The following PHACTR3 variants were observed in gnomAD, a reference collection of about 807,000 sequenced individuals.
PHACTR3 encodes the protein phosphatase and actin regulator 3, also known as protein phosphatase 1, regulatory subunit 123.
A neutral mutation model predicts 66.8 loss-of-function variants in PHACTR3; 16 were observed. The ratio of observed to expected loss-of-function variants is 0.24; its 90% confidence interval spans 0.16 to 0.36. The LOEUF (loss-of-function observed/expected upper bound fraction) is 0.36. PHACTR3 is among the 10% of genes least tolerant of loss of function. The pLI, the probability that PHACTR3 is intolerant of heterozygous loss-of-function variation, is 1.00. For synonymous variants in PHACTR3, 323 were observed against 292.1 expected (o/e 1.11, Z -1.08); for missense variants, 647 against 719.9 (o/e 0.90, Z 1.16).
chr20:59,606,911 T>C (rs1044646463), intron 1 of PHACTR3, among the ~76,000 whole-genome samples: 1 of 152,198 alleles, frequency 6.6e-6, no homozygotes, highest in African/African-American at 2.4e-5. Context: ...GTCTAAAATA[T>C]GTGCAATTCT....
chr20:59,635,135 C>CTTTCTTTT, intron 1 of PHACTR3, among the ~76,000 whole-genome samples: 1 of 68,176 alleles, frequency 1.5e-5, no homozygotes, highest in African/African-American at 5.8e-5. Context: ...TTCTTTCTTT[C>CTTTCTTTT]TTTCTTTCTT....
intron 5 of PHACTR3, among the ~76,000 whole-genome samples, chr20:59,769,278 A>C (rs1411463992): frequency 6.6e-6 from 1 of 152,218 alleles, no homozygotes; most frequent in Non-Finnish European, 1.5e-5. Flanking sequence ...GAACCTCAGA[A>C]CATGACCTTG....
intron 5 of PHACTR3, among the ~76,000 whole-genome samples, chr20:59,767,830 A>ATTCCT (rs2040232103): frequency 6.7e-6 from 1 of 150,104 alleles, no homozygotes; most frequent in African/African-American, 2.5e-5. Context: ...ATTCCATTCC[A>ATTCCT]TTCCTTTCCT....
chr20:59,606,254 A>C (rs1440275270), intron 1 of PHACTR3, among the ~76,000 whole-genome samples: 1 of 152,070 alleles, frequency 6.6e-6, no homozygotes, highest in Non-Finnish European at 1.5e-5. Context: ...GCTTCCCGAT[A>C]AACTGCCTAG....
In PHACTR3 at chr20:59,829,166, G is replaced by C. The variant is rs151042993; in HGVS notation, c.1329-7339G>C. 1.1e-4 allele frequency among the ~76,000 whole-genome samples: 17 copies of C among 152,256 alleles called. No homozygotes were observed. Among genetic ancestry groups the C allele is most frequent in the Middle Eastern group, 3.4e-3 (1 of 294 alleles). ...AAAAGGTCGGCTTTGGACTCAGAGT[G>C]CCTGGAGTCACATCCTCCCCGGCAT... On this transcript the variant is annotated intron_variant, in intron 8 of 12. Coordinates refer to ENST00000371015, the MANE Select transcript of PHACTR3 (RefSeq NM_080672.5). The surrounding 1 kb of genome is among the most constrained non-coding windows in gnomAD (Gnocchi z 4.2).
intron 1 of PHACTR3, among the ~76,000 whole-genome samples, chr20:59,698,168 A>G (rs1452925307): frequency 6.6e-6 from 1 of 152,234 alleles, no homozygotes; most frequent in Non-Finnish European, 1.5e-5. Context: ...AATAGTTAAA[A>G]GTAATGAACT....
At chr20:59,612,520 G>T (rs1216847781) in intron 1 of PHACTR3, among the ~76,000 whole-genome samples, 1 of 152,138 alleles carries the variant, frequency 6.6e-6, no homozygotes, top group Non-Finnish European at 1.5e-5. Flanking sequence ...GAGTGGCTGG[G>T]ACTACAGGTG....
intron 1 of PHACTR3, among the ~76,000 whole-genome samples, chr20:59,674,706 T>C (rs2036360294): frequency 1.2e-5 from 1 of 84,584 alleles, no homozygotes; most frequent in South Asian, 6.4e-4. Context: ...CCTTCTCCTG[T>C]CCCCCCTTCT....
At chr20:59,678,925 C>T (rs1384869877) in intron 1 of PHACTR3, among the ~76,000 whole-genome samples, 1 of 151,600 alleles carries the variant, frequency 6.6e-6, no homozygotes, top group East Asian at 1.9e-4. Flanking sequence ...CAATTGCAGC[C>T]CCACTGGCAG....
chr20:59,607,120 C>A (rs2033698342), intron 1 of PHACTR3, among the ~76,000 whole-genome samples: 1 of 152,130 alleles, frequency 6.6e-6, no homozygotes, highest in African/African-American at 2.4e-5. Context: ...TGTGTGCCTG[C>A]ATACTTCTTT....
Position 59,717,627 on chromosome 20 carries a change from A to C in PHACTR3, c.119-25480A>C, listed in dbSNP as rs186676560. ...GGTGGAGCTGGAATCCCCACTGGAAACCCACCCCCCAGCCCGTGTTCTTCC... is the reference window on the plus strand; with the variant it reads ...GGTGGAGCTGGAATCCCCACTGGAACCCCACCCCCCAGCCCGTGTTCTTCC... On this transcript the variant is annotated intron_variant, in intron 1 of 12. Coordinates refer to ENST00000371015, the MANE Select transcript of PHACTR3 (RefSeq NM_080672.5). 7.2e-5 allele frequency among the ~76,000 whole-genome samples: 11 copies of C among 151,944 alleles called. No homozygotes were observed. In the East Asian group the frequency reaches 2.1e-3, roughly 29 times the overall value.
intron 1 of PHACTR3, among the ~76,000 whole-genome samples, chr20:59,678,259 C>T (rs1023198330): frequency 2.6e-5 from 4 of 152,110 alleles, no homozygotes; most frequent in Admixed American, 2.0e-4. Flanking sequence ...TTCAACACAT[C>T]GTTGTTATAT....
At chr20:59,600,160 C>T (rs560112956), upstream of PHACTR3, among the ~76,000 whole-genome samples, 3 of 152,310 alleles carry the variant, frequency 2.0e-5, no homozygotes, top group Non-Finnish European at 4.4e-5. Context: ...GGCGCCCTTC[C>T]TCCCTTGCAT....
At chr20:59,750,332 A>T (rs2039532228) in intron 3 of PHACTR3, among the ~76,000 whole-genome samples, 1 of 152,040 alleles carries the variant, frequency 6.6e-6, no homozygotes, top group South Asian at 2.1e-4. Flanking sequence ...ATAACCCTCC[A>T]CCGCTCAGGC....
chr20:59,833,944 C>T (rs1039583090), intron 8 of PHACTR3, among the ~76,000 whole-genome samples: 1 of 152,014 alleles, frequency 6.6e-6, no homozygotes, highest in African/African-American at 2.4e-5. Flanking sequence ...GCTGGGTCTT[C>T]GAGTGGAACA....
chr20:59,686,683 G>GTGA, intron 1 of PHACTR3, among the ~76,000 whole-genome samples: 1 of 145,758 alleles, frequency 6.9e-6, no homozygotes, highest in East Asian at 2.1e-4. Flanking sequence ...GATGATGATG[G>GTGA]TGATGATGAT....
intron 1 of PHACTR3, among the ~76,000 whole-genome samples, chr20:59,599,086 T>C (rs1479419941): frequency 6.6e-6 from 1 of 152,194 alleles, no homozygotes; most frequent in African/African-American, 2.4e-5. Flanking sequence ...TAGATTGTCC[T>C]GGGGGACTGA....
At chr20:59,759,485 T>C (rs1235378982) in intron 4 of PHACTR3, among the ~76,000 whole-genome samples, 1 of 152,036 alleles carries the variant, frequency 6.6e-6, no homozygotes, top group Non-Finnish European at 1.5e-5. Flanking sequence ...ACAGAGTCTG[T>C]CCCTGTAGAT....
intron 1 of PHACTR3, among the ~76,000 whole-genome samples, chr20:59,688,267 A>C (rs2036973437): frequency 6.6e-6 from 1 of 152,226 alleles, no homozygotes; most frequent in Non-Finnish European, 1.5e-5. Flanking sequence ...AAAGTGGTAC[A>C]AGACAAATTT....
Sources: gnomAD v4.1 joint callset for allele counts (sites outside exome capture counted in the v4.1 genomes callset) on GRCh38, gnomAD v4.1.1 for gene constraint, Gnocchi (gnomAD v3.1) non-coding constraint, MANE v1.5 for transcripts, NCBI Gene and HGNC (gene_info 2026-07-23, HGNC 2026-07-21) for gene names.